MCPH1: variants seen among roughly 807,000 people sequenced by gnomAD.
MCPH1 encodes the protein microcephalin.
A neutral mutation model predicts 84.5 loss-of-function variants in MCPH1; 104 were observed. That is an observed-to-expected ratio of 1.23 (90% CI 1.05 to 1.45). MCPH1 has a LOEUF of 1.45. Among genes scored for constraint, MCPH1 ranks in the 40% most tolerant of loss-of-function variants. MCPH1 has a pLI of 0.00. For missense variants in MCPH1, 1,498 were observed against 1,005.7 expected, an observed-to-expected ratio of 1.49 and a Z score of -6.62; for synonymous variants, 514 against 366.8, an observed-to-expected ratio of 1.40 and a Z score of -4.58.
intron 13 of MCPH1, among the ~76,000 whole-genome samples, chr8:6,633,648 A>G (rs1282692693): frequency 1.3e-5 from 2 of 152,248 alleles, no homozygotes; most frequent in East Asian, 1.9e-4. Flanking sequence ...CAACTATAGT[A>G]TAACTTTTCC....
intron 12 of MCPH1, among the ~76,000 whole-genome samples, chr8:6,609,880 G>C (rs111512283): frequency 6.7e-6 from 1 of 148,152 alleles, no homozygotes; most frequent in Admixed American, 6.8e-5. Context: ...TGCAGGTCAT[G>C]GTTGCCTTAT....
chr8:6,437,191 A>G (rs1802778202), intron 5 of MCPH1, among the ~76,000 whole-genome samples: 1 of 152,020 alleles, frequency 6.6e-6, no homozygotes, highest in Admixed American at 6.5e-5. Context: ...CAGATTCTCT[A>G]TTCTGTGTTT....
chr8:6,544,333 C>T (rs960546474), intron 12 of MCPH1, among the ~76,000 whole-genome samples: 10 of 152,122 alleles, frequency 6.6e-5, no homozygotes, highest in Admixed American at 1.3e-4. Flanking sequence ...GCACTGTGTT[C>T]CGTGATGATT....
intron 9 of MCPH1, among the ~76,000 whole-genome samples, chr8:6,475,620 G>T (rs753791253): frequency 6.6e-6 from 1 of 152,210 alleles, no homozygotes; most frequent in African/African-American, 2.4e-5. Context: ...GCCATGAGTC[G>T]GGAGGGCAAT....
rs1029368547 is a variant in MCPH1, at chr8:6,625,669, T to C, written c.2452+3978T>C. The C allele has an allele frequency of 4.1e-6, 4 of 985,010 alleles. No homozygotes were observed. The African/African-American group carries it at 7.0e-5, about 17-fold the overall frequency. The allele number at this position is 985,010 out of a possible 1,614,324, so 61.0% of individuals were successfully genotyped here. ...AATTTGAGCCGGGCGTGGTGGCCCA[T>C]GCCTGTTGTCTTAGCTACGTGGGAG... On this transcript the variant is annotated intron_variant, in intron 13 of 13. Transcript: ENST00000344683.
rs558051124 is a variant in MCPH1 at position 6,458,487 on chromosome 8, GAAAAA to G, written c.1935+3242_1935+3246del. Among the ~76,000 whole-genome samples the G allele has an allele frequency of 2.1e-5, 3 of 140,702 alleles. No individual in the cohort carries two copies. The South Asian group carries it at 6.8e-4, about 32-fold the overall frequency. 92.3% of individuals were successfully genotyped at this position (140,702 alleles called of 152,430 possible). A position where few individuals can be genotyped will look rare whatever the true frequency, so the allele number is the denominator to read the frequency against. On this transcript the variant is annotated intron_variant, in intron 9 of 13. Transcript: ENST00000344683. ...ACTCCTTCTCAAAAAAAAAAAAAAA[GAAAAA>G]AAAAAATTCCTGATTTGTTTGCTTA...
chr8:6,517,573 C>T (rs1441714581), intron 12 of MCPH1, among the ~76,000 whole-genome samples: 1 of 152,174 alleles, frequency 6.6e-6, no homozygotes, highest in African/African-American at 2.4e-5. Context: ...TAAATGAGTG[C>T]AGAATCGGGT....
At chr8:6,480,211 C>T (rs892119481) in intron 10 of MCPH1, among the ~76,000 whole-genome samples, 1 of 151,828 alleles carries the variant, frequency 6.6e-6, no homozygotes, top group African/African-American at 2.4e-5. Flanking sequence ...GCAACCTCCA[C>T]CTCCCGGATT....
At chr8:6,633,879 G>A (rs1364812762) in intron 13 of MCPH1, among the ~76,000 whole-genome samples, 1 of 152,184 alleles carries the variant, frequency 6.6e-6, no homozygotes, top group African/African-American at 2.4e-5. Flanking sequence ...ATGTGTAACA[G>A]TGATCAGAAA....
chr8:6,472,602 G>A (rs766102860), intron 9 of MCPH1, among the ~76,000 whole-genome samples: 2 of 151,952 alleles, frequency 1.3e-5, no homozygotes, highest in African/African-American at 4.8e-5. Context: ...AAGTAGCTGG[G>A]ATTACAGGTG....
In MCPH1 at chr8:6,505,475, AT is replaced by A. The variant is rs1191045473; in HGVS notation, c.2214+5547del. Among the ~76,000 whole-genome samples the A allele has an allele frequency of 1.3e-3, 94 of 71,264 alleles. 3 individuals carry two copies. The highest frequency in any genetic ancestry group is 5.0e-3 in the African/African-American group (89 of 17,812). The allele number at this position is 71,264 out of a possible 152,430, so 46.8% of individuals were successfully genotyped here. ...TATAGAATATATATATTCTTTACAT[AT>A]ATAGAATATATATATTCTTTATATA... On this transcript the variant is annotated intron_variant, in intron 12 of 13. Transcript: ENST00000344683.
At chr8:6,505,208 AAT>A (rs71213310) in intron 12 of MCPH1, among the ~76,000 whole-genome samples, 3,176 of 59,512 alleles carry the variant, frequency 0.053, 311 homozygotes, top group African/African-American at 0.072. Flanking sequence ...GTATATATAG[AAT>A]ATATATATAT....
intron 8 of MCPH1, among the ~76,000 whole-genome samples, chr8:6,450,708 A>G (rs1188565859): frequency 6.6e-6 from 1 of 151,878 alleles, no homozygotes; most frequent in Non-Finnish European, 1.5e-5. Flanking sequence ...CAAAGCATCT[A>G]ATATTGGGCT....
intron 11 of MCPH1, among the ~76,000 whole-genome samples, chr8:6,485,285 A>C (rs1291387287): frequency 1.3e-5 from 2 of 152,050 alleles, no homozygotes; most frequent in Non-Finnish European, 2.9e-5. Context: ...AGATCACGCC[A>C]CTGCACTCCA....
chr8:6,415,580 C>G (rs1400052128), intron 3 of MCPH1, among the ~76,000 whole-genome samples: 1 of 152,106 alleles, frequency 6.6e-6, no homozygotes, highest in Non-Finnish European at 1.5e-5. Context: ...TTTCAAACTT[C>G]TGACCTCAGG....
chr8:6,483,577 G>C (rs116782458), intron 11 of MCPH1, among the ~76,000 whole-genome samples: 1 of 152,208 alleles, frequency 6.6e-6, no homozygotes, highest in African/African-American at 2.4e-5. Flanking sequence ...TGAACAAGTG[G>C]TGCTGGAGCA....
In MCPH1 at chr8:6,646,176, G is replaced by C. The variant is rs538103909; in HGVS notation, c.*3127G>C. 6.6e-6 allele frequency: 1 copy of C among 152,158 alleles called. No homozygotes were observed. Among genetic ancestry groups the C allele is most frequent in the Non-Finnish European group, 1.5e-5 (1 of 68,036 alleles). The allele number at this position is 152,158 out of a possible 1,614,324, so 9.4% of individuals were successfully genotyped here. A position where few individuals can be genotyped will look rare whatever the true frequency, so the allele number is the denominator to read the frequency against. On this transcript the variant is annotated 3_prime_UTR_variant, in exon 14 of 14. Coordinates refer to ENST00000344683, the MANE Select transcript of MCPH1 (RefSeq NM_024596.5). Reference sequence around the variant, plus strand: ...GCCGTGGCTCACATCTGTAATACCAGCTCTCTGGGAGGCTGAGGCGGGTGG... The same window carrying C: ...GCCGTGGCTCACATCTGTAATACCACCTCTCTGGGAGGCTGAGGCGGGTGG...
At chr8:6,493,839 C>T (rs1022126827) in intron 11 of MCPH1, among the ~76,000 whole-genome samples, 2 of 152,314 alleles carry the variant, frequency 1.3e-5, no homozygotes, top group East Asian at 3.9e-4. Flanking sequence ...CAGTGTTTTA[C>T]ACATCGTCAA....
intron 11 of MCPH1, among the ~76,000 whole-genome samples, chr8:6,495,171 T>C (rs950890426): frequency 6.6e-6 from 1 of 152,180 alleles, no homozygotes; most frequent in African/African-American, 2.4e-5. Context: ...CCCTATTATT[T>C]TGTTGTTAAA....
Sources: allele counts gnomAD v4.1 joint callset (sites outside exome capture counted in the v4.1 genomes callset), GRCh38; gene constraint gnomAD v4.1.1; transcripts MANE v1.5; gene names NCBI Gene and HGNC (gene_info 2026-07-23, HGNC 2026-07-21).